Variants in DIP2A observed in about 807,000 individuals in gnomAD.
DIP2A encodes the protein disco-interacting protein 2 homolog A.
Under a neutral mutation model 177.4 loss-of-function variants are expected in DIP2A, and 85 were observed. That is an observed-to-expected ratio of 0.48 (90% CI 0.40 to 0.57). DIP2A has a LOEUF of 0.57. Ranked by LOEUF, DIP2A falls within the 20% of genes least tolerant of loss-of-function variation. DIP2A has a pLI of 0.00. For missense variants in DIP2A, 1,791 were observed against 2,100.2 expected, an observed-to-expected ratio of 0.85 and a Z score of 2.88; for synonymous variants, 886 against 881.8, an observed-to-expected ratio of 1.00 and a Z score of -0.08.
Position 46,558,340 on chromosome 21 carries a change from C to T in DIP2A, c.3916C>T (p.Arg1306Cys), listed in dbSNP as rs770288948. The T allele has an allele frequency of 2.4e-5, 39 of 1,607,482 alleles. No individual in the cohort carries two copies. The South Asian group carries it at 2.6e-4, about 11-fold the overall frequency. The change falls in exon 32 of 38, where the codon CGC (arginine) becomes TGC (cysteine). Residue 1306 changes from arginine to cysteine, a missense_variant. Coordinates refer to ENST00000417564, the MANE Select transcript of DIP2A (RefSeq NM_015151.4). Reference protein sequence around the residue: ...KLFKDLGLPARAVSTTFGCRV... With the variant: ...KLFKDLGLPACAVSTTFGCRV... ...CTTCAAGGACCTGGGCCTGCCGGCCCGCGCCGTAAGCACCACGTTCGGGTG... is the reference window on the plus strand; with the variant it reads ...CTTCAAGGACCTGGGCCTGCCGGCCTGCGCCGTAAGCACCACGTTCGGGTG...
At chr21:46,553,972 T>C in intron 25 of DIP2A, 197 bp from the exon 26 acceptor site, 2 of 575,600 alleles carry the variant, frequency 3.5e-6, no homozygotes, top group Non-Finnish European at 5.5e-6. Context: ...GAGACCAGCC[T>C]GGCCAACATG....
intron 23 of DIP2A, among the ~76,000 whole-genome samples, 200 bp downstream of exon 23, chr21:46,550,944 A>G (rs989569736): frequency 6.6e-5 from 10 of 152,326 alleles, no homozygotes; most frequent in Admixed American, 1.3e-4. Context: ...GGGGGAACTT[A>G]ACCACATCAC....
the DIP2A span, among the ~76,000 whole-genome samples, chr21:46,582,840 CA>C: frequency 6.6e-6 from 1 of 152,076 alleles, no homozygotes; most frequent in African/African-American, 2.4e-5. Flanking sequence ...CAAAGAGAAC[CA>C]GTAAAGGTAA....
At chr21:46,561,602 A>T in intron 33 of DIP2A, 146 bp from the exon 34 acceptor site, 1 of 1,094,764 alleles carries the variant, frequency 9.1e-7, no homozygotes, top group Non-Finnish European at 1.4e-6. Context: ...CCTGCCATTC[A>T]TGGCAGGTGT....
intron 1 of DIP2A, among the ~76,000 whole-genome samples, chr21:46,479,385 C>T (rs1036666950): frequency 6.6e-6 from 1 of 152,088 alleles, no homozygotes; most frequent in African/African-American, 2.4e-5. Context: ...GTTTAATGAA[C>T]ATATTTTTCA....
At position 46,557,603 on chromosome 21, in the gene DIP2A, A is replaced by G. The variant is rs757050919; in HGVS notation, c.3648A>G (p.Gln1216=). 1.4e-5 allele frequency: 23 copies of G among 1,612,710 alleles called. No homozygotes were observed. Among genetic ancestry groups the G allele is most frequent in the Middle Eastern group, 1.7e-4 (1 of 5,984 alleles). ...WCLCSVYSGH[Q]SVLVPPLELE... The stretch of plus-strand genomic sequence containing the variant: ...CTCGCAGTGTCTACTCGGGACACCA[A>G]TCAGTGCTGGTGCCCCCGCTGGAGC... The change falls in exon 31 of 38, where the codon CAA becomes CAG. Residue 1216 remains glutamine (Q), a synonymous_variant. Coordinates refer to ENST00000417564, the MANE Select transcript of DIP2A (RefSeq NM_015151.4). The surrounding 1 kb of genome is among the most constrained non-coding windows in gnomAD (Gnocchi z 6.0).
At chr21:46,509,055 T>G (rs1231328860) in intron 6 of DIP2A, among the ~76,000 whole-genome samples, 1 of 152,118 alleles carries the variant, frequency 6.6e-6, no homozygotes, top group Non-Finnish European at 1.5e-5. Flanking sequence ...CCTGCTAGCT[T>G]AGAACAAGTC....
chr21:46,521,615 C>G (rs919338295), intron 8 of DIP2A, among the ~76,000 whole-genome samples: 1 of 152,218 alleles, frequency 6.6e-6, no homozygotes, highest in Non-Finnish European at 1.5e-5. Flanking sequence ...ATCTATTCAA[C>G]CATAAGGTAA....
chr21:46,546,094 A>G (rs1231853077), intron 20 of DIP2A, 133 bp downstream of exon 20: 5 of 1,508,776 alleles, frequency 3.3e-6, no homozygotes, highest in Non-Finnish European at 3.6e-6. Flanking sequence ...GGTGGCGCTG[A>G]CCTCCCTGCC....
At chr21:46,467,399 G>C (rs886402454) in intron 1 of DIP2A, among the ~76,000 whole-genome samples, 1 of 151,690 alleles carries the variant, frequency 6.6e-6, no homozygotes, top group Non-Finnish European at 1.5e-5. Flanking sequence ...ATAGTGTCTC[G>C]CTCTGTTGCC....
chr21:46,554,047 T>C, intron 25 of DIP2A, 122 bp from the exon 26 acceptor site: 2 of 1,322,378 alleles, frequency 1.5e-6, no homozygotes, highest in Non-Finnish European at 2.0e-6. Flanking sequence ...ACATTGTCAT[T>C]ATCATGGACG....
Position 46,556,873 on chromosome 21 carries a change from C to G in DIP2A, c.3499-66C>G. 1.4e-6 allele frequency: 2 copies of G among 1,394,352 alleles called. No homozygotes were observed. The highest frequency in any genetic ancestry group is 1.9e-6 in the Non-Finnish European group (2 of 1,034,908). 86.4% of individuals were successfully genotyped at this position (1,394,352 alleles called of 1,614,324 possible). The stretch of plus-strand genomic sequence containing the variant: ...TAGCCATGTGAACAGCGGACACTGC[C>G]ATCCACCCTCTCCCCTCCTGAATTT... On this transcript the variant is annotated intron_variant, in intron 29 of 37. Coordinates refer to ENST00000417564, the MANE Select transcript of DIP2A (RefSeq NM_015151.4). The surrounding 1 kb of genome is among the most constrained non-coding windows in gnomAD (Gnocchi z 4.5).
intron 1 of DIP2A, among the ~76,000 whole-genome samples, chr21:46,465,604 G>A (rs1449934007): frequency 1.3e-5 from 2 of 152,144 alleles, no homozygotes; most frequent in African/African-American, 4.8e-5. Flanking sequence ...AGGGAAAACT[G>A]CTGGGCACTT....
At chr21:46,542,064 T>G (rs1337940381) in intron 18 of DIP2A, among the ~76,000 whole-genome samples, 169 bp downstream of exon 18, 2 of 152,242 alleles carry the variant, frequency 1.3e-5, no homozygotes, top group African/African-American at 4.8e-5. Context: ...TTCTCCTGCC[T>G]CAGCCTCTTA....
At chr21:46,580,981 T>A in the DIP2A span, among the ~76,000 whole-genome samples, 2 of 152,222 alleles carry the variant, frequency 1.3e-5, no homozygotes, top group Non-Finnish European at 2.9e-5. Context: ...TGAATTTGAA[T>A]GTTGGCCTGT....
intron 3 of DIP2A, among the ~76,000 whole-genome samples, chr21:46,495,506 G>A (rs2057307763): frequency 6.6e-6 from 1 of 151,786 alleles, no homozygotes; most frequent in Non-Finnish European, 1.5e-5. Flanking sequence ...GACCTCAGGG[G>A]ATCCGCTCAC....
intron 9 of DIP2A, among the ~76,000 whole-genome samples, chr21:46,530,547 A>G (rs902817546): frequency 2.6e-5 from 4 of 152,242 alleles, no homozygotes; most frequent in African/African-American, 7.2e-5. Flanking sequence ...TCATAAGTCA[A>G]GAAAAGGATG....
At chr21:46,536,057 C>T (rs2059556907) in intron 13 of DIP2A, among the ~76,000 whole-genome samples, 1 of 152,212 alleles carries the variant, frequency 6.6e-6, no homozygotes. Flanking sequence ...ATATTCACTG[C>T]ACTGCAGCCT....
intron 1 of DIP2A, among the ~76,000 whole-genome samples, chr21:46,476,840 A>G (rs191997786): frequency 6.6e-6 from 1 of 151,994 alleles, no homozygotes; most frequent in East Asian, 1.9e-4. Flanking sequence ...ATTTTTTATT[A>G]GAGATGGGGT....
Sources: allele counts gnomAD v4.1 joint callset (sites outside exome capture counted in the v4.1 genomes callset), GRCh38; gene constraint gnomAD v4.1.1; non-coding constraint Gnocchi (gnomAD v3.1); transcripts MANE v1.5; gene names NCBI Gene and HGNC (gene_info 2026-07-23, HGNC 2026-07-21).